The following TEKT5 variants were observed in gnomAD, a reference collection of about 807,000 sequenced individuals.
TEKT5 encodes the protein tektin 5.
In TEKT5, 52 loss-of-function variants were observed where a neutral mutation model predicts 48.7. The ratio of observed to expected loss-of-function variants is 1.07; its 90% CI spans 0.86 to 1.35. The LOEUF (loss-of-function observed/expected upper bound fraction) is 1.35, where lower values mean the gene tolerates loss of function less well. TEKT5 is among the 40% of genes most tolerant of loss of function. The pLI, the probability that TEKT5 is intolerant of heterozygous loss-of-function variation, is 0.00. For synonymous variants in TEKT5, 318 were observed against 267.6 expected (o/e 1.19, Z -1.84); for missense variants, 831 against 641.6 (o/e 1.30, Z -3.19).
intron 5 of TEKT5, among the ~76,000 whole-genome samples, chr16:10,662,689 C>A (rs1014235578): frequency 6.6e-6 from 1 of 152,216 alleles, no homozygotes; most frequent in Non-Finnish European, 1.5e-5. Flanking sequence ...CTTTTACCAT[C>A]CACAGCACTG....
At chr16:10,660,373 C>T (rs1045923520) in intron 5 of TEKT5, among the ~76,000 whole-genome samples, 6 of 152,150 alleles carry the variant, frequency 3.9e-5, no homozygotes, top group Admixed American at 1.3e-4. Context: ...AAGTAACTCC[C>T]CCCACCCCAC....
intron 5 of TEKT5, among the ~76,000 whole-genome samples, chr16:10,636,532 A>C (rs1897915811): frequency 6.6e-6 from 1 of 152,104 alleles, no homozygotes; most frequent in Non-Finnish European, 1.5e-5. Flanking sequence ...CAGCAGGAAG[A>C]AAGCAAAGTA....
At chr16:10,665,921 A>G (rs1364847533) in intron 5 of TEKT5, among the ~76,000 whole-genome samples, 1 of 152,144 alleles carries the variant, frequency 6.6e-6, no homozygotes, top group Non-Finnish European at 1.5e-5. Flanking sequence ...CCACATTCAC[A>G]CCAAGCCCAG....
chr16:10,643,906 G>A (rs886488476), intron 5 of TEKT5, among the ~76,000 whole-genome samples: 1 of 152,056 alleles, frequency 6.6e-6, no homozygotes, highest in African/African-American at 2.4e-5. Context: ...GCCAGATGTG[G>A]TGGCAGGCGC....
chr16:10,686,392 G>T (rs1008423274), intron 3 of TEKT5, among the ~76,000 whole-genome samples: 1 of 151,918 alleles, frequency 6.6e-6, no homozygotes, highest in African/African-American at 2.4e-5. Flanking sequence ...AGGAGGAGGA[G>T]GTTGCAGTGA....
intron 3 of TEKT5, among the ~76,000 whole-genome samples, chr16:10,682,691 T>G (rs1898778382): frequency 6.6e-6 from 1 of 152,184 alleles, no homozygotes; most frequent in South Asian, 2.1e-4. Flanking sequence ...GATAAATAAT[T>G]TAGGCTTTGT....
intron 5 of TEKT5, among the ~76,000 whole-genome samples, chr16:10,674,071 C>T (rs16957517): frequency 0.34 from 52,182 of 152,000 alleles, 10,110 homozygotes; most frequent in East Asian, 0.71. Flanking sequence ...CTCCCCATTG[C>T]TCTTAGGTAG....
intron 5 of TEKT5, 74 bp from the exon 6 acceptor site, chr16:10,635,992 C>A: frequency 6.4e-7 from 1 of 1,574,064 alleles, no homozygotes; most frequent in South Asian, 1.2e-5. Context: ...CTGGGGGGAG[C>A]AAGTCAGCTA....
At chr16:10,658,291 T>C (rs182282541) in intron 5 of TEKT5, among the ~76,000 whole-genome samples, 24 of 152,278 alleles carry the variant, frequency 1.6e-4, no homozygotes, top group Admixed American at 1.2e-3. Flanking sequence ...AGAGTCCATA[T>C]GTCCACCAAA....
At position 10,652,854 on chromosome 16, in the gene TEKT5, C is replaced by G. The variant is rs1344814193; in HGVS notation, c.1087-16936G>C. 2.3e-3 allele frequency among the ~76,000 whole-genome samples: 129 copies of G among 56,594 alleles called. 4 individuals carry two copies. Among genetic ancestry groups the G allele is most frequent in the African/African-American group, 8.2e-3 (40 of 4,854 alleles). 37.1% of individuals were successfully genotyped at this position (56,594 alleles called of 152,430 possible). A position where few individuals can be genotyped will look rare whatever the true frequency, so the allele number is the denominator to read the frequency against. On this transcript the variant is annotated intron_variant, in intron 5 of 6. Transcript: ENST00000283025. Reference sequence around the variant, plus strand: ...ACAGGCAGACACACACACACACACACACACACACACACACACCCTCCAGGT... The same window carrying G: ...ACAGGCAGACACACACACACACACAGACACACACACACACACCCTCCAGGT...
intron 5 of TEKT5, among the ~76,000 whole-genome samples, chr16:10,645,623 T>C (rs560948966): frequency 6.6e-6 from 1 of 152,092 alleles, no homozygotes; most frequent in East Asian, 1.9e-4. Context: ...GCCAACATGG[T>C]AAAATCCCAT....
Position 10,683,883 on chromosome 16 carries a change from G to A in TEKT5, c.720-1747C>T, listed in dbSNP as rs933520774. Among the ~76,000 whole-genome samples, 20 of 152,204 alleles carry A rather than the reference G, an allele frequency of 1.3e-4. 1 individual carries two copies. The highest frequency in any genetic ancestry group is 2.1e-4 in the South Asian group (1 of 4,834). On this transcript the variant is annotated intron_variant, in intron 3 of 6. Transcript: ENST00000283025. ...GCTGGGATTATAGGCATAAGCCACC[G>A]CACCTGGCCTAAAATCACTTTAAAA...
At chr16:10,681,728 T>C (rs1482521971) in intron 4 of TEKT5, among the ~76,000 whole-genome samples, 1 of 152,112 alleles carries the variant, frequency 6.6e-6, no homozygotes, top group Admixed American at 6.6e-5. Context: ...GAAGGCGCTC[T>C]GACCACACAG....
At chr16:10,681,370 ACTCTCTGTCTCTCTCTCTCTCT>A (rs1251758073) in intron 4 of TEKT5, among the ~76,000 whole-genome samples, 68 of 148,046 alleles carry the variant, frequency 4.6e-4, no homozygotes, top group Admixed American at 1.4e-3. Flanking sequence ...TCCAGATTCC[ACTCTCTGTCTCTCTCTCTCTCT>A]CTCTCTCTCT....
chr16:10,690,197 G>T (rs575753848), intron 1 of TEKT5, 172 bp from the exon 2 acceptor site: 1 of 635,908 alleles, frequency 1.6e-6, no homozygotes, highest in Non-Finnish European at 2.7e-6. Flanking sequence ...CCTTCTCCCC[G>T]GATGAGAGCT....
In TEKT5 at chr16:10,694,309, C is replaced by G. The variant is rs768461288; in HGVS notation, c.564+1G>C. On this transcript the variant is annotated splice_donor_variant, in intron 1 of 6. Transcript: ENST00000283025. LOFTEE classifies it high-confidence loss of function. ...AGCCCTGTCCCCACCCCTGTACTCA[C>G]CTGCAATGGGCAGTTCACCTCATTG... 71 of 1,587,154 alleles carry G rather than the reference C, an allele frequency of 4.5e-5. 2 individuals carry two copies. The South Asian group carries it at 7.8e-4, about 17-fold the overall frequency.
At position 10,694,677 on chromosome 16, in the gene TEKT5, T is replaced by C; in HGVS notation, c.197A>G (p.Asp66Gly). Residue 66 changes from aspartate (D) to glycine (G), a missense_variant, in exon 1 of 7, where the codon GAC becomes GGC. By Grantham distance (94) the Asp-to-Gly change is moderately conservative. Transcript: ENST00000283025. The part of the protein sequence containing the change: ...YKIANVQTCP[D>G]ESTSTLRPPT... ...CGGCCGCAGGGTACTGGTGCTCTCG[T>C]CCGGGCAGGTCTGGACGTTGGCTAT... is the stretch of plus-strand genomic sequence containing the variant. 6.2e-7 allele frequency: 1 copy of C among 1,613,368 alleles called. No homozygotes were observed. The highest frequency in any genetic ancestry group is 8.5e-7 in the Non-Finnish European group (1 of 1,179,620).
Position 10,676,092 on chromosome 16 carries a change from T to C in TEKT5, c.953A>G (p.Glu318Gly). The change falls in exon 5 of 7, where the codon GAG becomes GGG. Residue 318 changes from glutamate (E) to glycine (G), a missense_variant. By Grantham distance (98) the Glu-to-Gly change is moderately conservative. Transcript: ENST00000283025. ...NMRANSIQLR[E>G]EAEHLFETLS... ...GGTCTCAAAGAGGTGCTCCGCCTCC[T>C]CCCGCAGCTGGATGGAGTTGGCCCG... 6.2e-7 allele frequency: 1 copy of C among 1,614,238 alleles called. No homozygotes were observed. Among genetic ancestry groups the C allele is most frequent in the Non-Finnish European group, 8.5e-7 (1 of 1,180,038 alleles).
intron 3 of TEKT5, 129 bp from the exon 4 acceptor site, chr16:10,682,265 C>G: frequency 1.4e-5 from 14 of 986,820 alleles, no homozygotes; most frequent in South Asian, 8.7e-5. Context: ...CAGTCCTCTT[C>G]CCACCTCCAT....
Sources: gnomAD v4.1 joint callset for allele counts (sites outside exome capture counted in the v4.1 genomes callset) on GRCh38, gnomAD v4.1.1 for gene constraint, MANE v1.5 for transcripts, NCBI Gene and HGNC (gene_info 2026-07-23, HGNC 2026-07-21) for gene names.